The following FSTL5 variants were observed in gnomAD, a reference collection of about 807,000 sequenced individuals.
The protein encoded by FSTL5 is follistatin like 5, also known as follistatin-related protein 5.
A neutral mutation model predicts 89.1 loss-of-function variants in FSTL5; 62 were observed. The observed-to-expected ratio is 0.70, with a 90% CI of 0.57 to 0.86. The LOEUF (loss-of-function observed/expected upper bound fraction) is 0.86. Among genes scored for constraint, FSTL5 ranks in the 40% least tolerant of loss-of-function variants. The probability of loss-of-function intolerance (pLI) is 0.00; values close to 1 mark genes in which losing one functional copy is unlikely to be tolerated. For synonymous variants in FSTL5, 383 were observed against 346.2 expected (o/e 1.11, Z -1.18); for missense variants, 1,057 against 1,001.6 (o/e 1.06, Z -0.75).
chr4:161,990,320 T>G (rs1416284208), intron 3 of FSTL5, among the ~76,000 whole-genome samples: 1 of 152,090 alleles, frequency 6.6e-6, no homozygotes, highest in Non-Finnish European at 1.5e-5. Context: ...CTAAACACCC[T>G]TGAAACAAAA....
intron 7 of FSTL5, among the ~76,000 whole-genome samples, chr4:161,621,248 G>T (rs1484085326): frequency 6.8e-6 from 1 of 146,810 alleles, no homozygotes; most frequent in Non-Finnish European, 1.5e-5. Flanking sequence ...AAATAGTAGG[G>T]ATATGGGGAT....
intron 4 of FSTL5, among the ~76,000 whole-genome samples, chr4:161,879,119 T>A (rs571113300): frequency 7.2e-5 from 11 of 152,188 alleles, no homozygotes; most frequent in African/African-American, 2.4e-4. Flanking sequence ...AGCTGGCCAG[T>A]TTCTGAGATC....
At chr4:161,797,647 A>T (rs1337036442) in intron 4 of FSTL5, among the ~76,000 whole-genome samples, 1 of 151,570 alleles carries the variant, frequency 6.6e-6, no homozygotes, top group African/African-American at 2.4e-5. Flanking sequence ...GGATTTAAAA[A>T]CAAAGGTGGA....
chr4:162,124,776 T>C (rs1410353630), intron 1 of FSTL5, among the ~76,000 whole-genome samples: 2 of 152,164 alleles, frequency 1.3e-5, no homozygotes, highest in South Asian at 2.1e-4. Flanking sequence ...CTCAGCTCAC[T>C]GCAACCTCGG....
At chr4:162,110,210 T>A (rs530204964) in intron 2 of FSTL5, among the ~76,000 whole-genome samples, 1 of 152,004 alleles carries the variant, frequency 6.6e-6, no homozygotes. Context: ...ATTTAATAAA[T>A]GTGTGCATTT....
At chr4:161,426,716 C>T (rs147689206) in intron 15 of FSTL5, among the ~76,000 whole-genome samples, 49 of 152,196 alleles carry the variant, frequency 3.2e-4, no homozygotes, top group African/African-American at 6.0e-4. Flanking sequence ...CTCAGCCTCC[C>T]GAGTAACTGT....
chr4:161,566,210 G>T (rs1255633071), intron 8 of FSTL5, among the ~76,000 whole-genome samples: 2 of 142,988 alleles, frequency 1.4e-5, no homozygotes, highest in Non-Finnish European at 3.0e-5. Context: ...GTCTTTTGCA[G>T]CAATTTGGAT....
At chr4:162,069,606 C>G (rs1399834207) in intron 2 of FSTL5, among the ~76,000 whole-genome samples, 2 of 151,910 alleles carry the variant, frequency 1.3e-5, no homozygotes, top group African/African-American at 4.8e-5. Flanking sequence ...ATGAGCCCAA[C>G]ATTTTAAGCT....
intron 15 of FSTL5, among the ~76,000 whole-genome samples, chr4:161,419,384 T>TA (rs1379641239): frequency 6.6e-6 from 1 of 151,932 alleles, no homozygotes; most frequent in Non-Finnish European, 1.5e-5. Context: ...ATAAGGACAT[T>TA]AAAAAAATGT....
intron 7 of FSTL5, among the ~76,000 whole-genome samples, chr4:161,636,243 C>T (rs985812176): frequency 2.0e-5 from 3 of 151,988 alleles, no homozygotes; most frequent in African/African-American, 7.2e-5. Context: ...TATATGGATA[C>T]TATTAAAGAA....
intron 13 of FSTL5, among the ~76,000 whole-genome samples, chr4:161,480,591 G>T (rs916423613): frequency 1.3e-5 from 2 of 152,120 alleles, no homozygotes; most frequent in East Asian, 1.9e-4. Flanking sequence ...ATTCTACTAG[G>T]TTACTGTCAT....
chr4:161,977,628 A>AT (rs1376863535), intron 3 of FSTL5, among the ~76,000 whole-genome samples: 2,325 of 122,736 alleles, frequency 0.019, 46 homozygotes, highest in East Asian at 0.049. Context: ...AAAAAAAAAA[A>AT]AAAAAAAAAA....
In FSTL5 at chr4:161,759,542, A is replaced by T; in HGVS notation, c.607-11T>A. ...TTCCTGTTTTATCACCTAACAAGAA[A>T]ATTATAAACCATACCTTTAGATTTG... On this transcript the variant is annotated splice_polypyrimidine_tract_variant and intron_variant, in intron 5 of 15. Coordinates refer to ENST00000306100, the MANE Select transcript of FSTL5 (RefSeq NM_020116.5). 1 of 1,501,990 alleles carries T rather than the reference A, an allele frequency of 6.7e-7. No individual in the cohort carries two copies. The allele number at this position is 1,501,990 out of a possible 1,614,324, so 93.0% of individuals were successfully genotyped here.
At chr4:161,455,848 C>T (rs1733335278) in intron 14 of FSTL5, among the ~76,000 whole-genome samples, 1 of 152,038 alleles carries the variant, frequency 6.6e-6, no homozygotes, top group African/African-American at 2.4e-5. Context: ...TCTAAAGGGC[C>T]TTTTTCCTGC....
intron 3 of FSTL5, among the ~76,000 whole-genome samples, chr4:161,972,565 G>A (rs1161546732): frequency 6.6e-6 from 1 of 152,090 alleles, no homozygotes; most frequent in Non-Finnish European, 1.5e-5. Context: ...AGGAACCAAG[G>A]CCCCTAGTGG....
At chr4:161,855,009 T>TG (rs1164321155) in intron 4 of FSTL5, among the ~76,000 whole-genome samples, 20 of 15,424 alleles carry the variant, frequency 1.3e-3, no homozygotes, top group Admixed American at 8.2e-4. Flanking sequence ...AGAGGTTTTT[T>TG]TTTTTTTTTT....
chr4:161,601,462 A>G (rs1286903521), intron 7 of FSTL5, among the ~76,000 whole-genome samples: 1 of 152,124 alleles, frequency 6.6e-6, no homozygotes, highest in African/African-American at 2.4e-5. Flanking sequence ...CGATGTGAAC[A>G]AGGTAGGAAC....
At chr4:162,043,939 A>G (rs2111233959) in intron 2 of FSTL5, among the ~76,000 whole-genome samples, 1 of 152,216 alleles carries the variant, frequency 6.6e-6, no homozygotes, top group Middle Eastern at 3.4e-3. Context: ...TGCTATTTCC[A>G]CAACATCTGC....
chr4:161,618,009 T>A (rs1178953741), intron 7 of FSTL5, among the ~76,000 whole-genome samples: 1 of 152,188 alleles, frequency 6.6e-6, no homozygotes, highest in Admixed American at 6.5e-5. Context: ...TGATGAGTGG[T>A]TTGTAGTTCT....
Sources: allele counts gnomAD v4.1 joint callset (sites outside exome capture counted in the v4.1 genomes callset), GRCh38; gene constraint gnomAD v4.1.1; transcripts MANE v1.5; gene names NCBI Gene and HGNC (gene_info 2026-07-23, HGNC 2026-07-21).